ZNRF1: variants seen among roughly 807,000 people sequenced by gnomAD.
ZNRF1 encodes the protein zinc and ring finger 1.
ZNRF1 carries 3 observed loss-of-function variants against 18.4 expected under a neutral mutation model. That is an observed-to-expected ratio of 0.16 (90% CI 0.07 to 0.42). The LOEUF is 0.42. Among genes scored for constraint, ZNRF1 ranks in the 10% least tolerant of loss-of-function variants. The probability of loss-of-function intolerance (pLI) is 0.99; values close to 1 mark genes in which losing one functional copy is unlikely to be tolerated. For missense variants in ZNRF1, 310 were observed against 329.8 expected (o/e 0.94, Z 0.47); for synonymous variants, 157 against 144.2 (o/e 1.09, Z -0.64).
chr16:75,004,522 A>G (rs1340932565), intron 1 of ZNRF1, among the ~76,000 whole-genome samples: 2 of 152,230 alleles, frequency 1.3e-5, no homozygotes, highest in East Asian at 1.9e-4. Flanking sequence ...ATATGTGTAT[A>G]TATATGTATG....
At chr16:75,075,335 G>T (rs985040811) in intron 1 of ZNRF1, among the ~76,000 whole-genome samples, 3 of 152,266 alleles carry the variant, frequency 2.0e-5, no homozygotes, top group African/African-American at 7.2e-5. Context: ...CTGTGCACAT[G>T]CACACATGAT....
intron 1 of ZNRF1, among the ~76,000 whole-genome samples, chr16:75,093,227 A>G (rs146266137): frequency 9.7e-4 from 147 of 152,276 alleles, no homozygotes; most frequent in Non-Finnish European, 1.7e-3. Context: ...TCTACTAAAA[A>G]TACAAAAATT....
chr16:75,000,768 C>G (rs552457028), intron 1 of ZNRF1, among the ~76,000 whole-genome samples: 1 of 152,326 alleles, frequency 6.6e-6, no homozygotes, highest in South Asian at 2.1e-4. Context: ...GGCTCCGCGA[C>G]TCTCGCCTCC....
Position 75,110,523 on chromosome 16 carries a change from T to C in ZNRF1, c.*2823T>C, listed in dbSNP as rs1205534094. The C allele has an allele frequency of 6.6e-6, 1 of 152,252 alleles. No homozygotes were observed. The highest frequency in any genetic ancestry group is 1.9e-4 in the East Asian group (1 of 5,198). 9.4% of individuals were successfully genotyped at this position (152,252 alleles called of 1,614,324 possible). A position where few individuals can be genotyped will look rare whatever the true frequency, so the allele number is the denominator to read the frequency against. ...CTTAGGAGATAGATGCTGGATTATA[T>C]AGGTGAATGCCTTCAAGAAATGTGT... On this transcript the variant is annotated 3_prime_UTR_variant, in exon 5 of 5. Coordinates refer to ENST00000335325, the MANE Select transcript of ZNRF1 (RefSeq NM_032268.5).
chr16:75,091,981 G>A (rs577980829), intron 1 of ZNRF1, among the ~76,000 whole-genome samples: 3 of 152,122 alleles, frequency 2.0e-5, no homozygotes, highest in African/African-American at 7.2e-5. Flanking sequence ...TAAGGAGAGA[G>A]AAAATAAAAT....
chr16:75,023,305 T>C (rs1042703859), intron 1 of ZNRF1, among the ~76,000 whole-genome samples: 1 of 152,116 alleles, frequency 6.6e-6, no homozygotes, highest in Non-Finnish European at 1.5e-5. Flanking sequence ...TTCCCCTACC[T>C]TACCCCCCAC....
chr16:75,069,677 G>T (rs2035846727), intron 1 of ZNRF1, among the ~76,000 whole-genome samples: 1 of 152,198 alleles, frequency 6.6e-6, no homozygotes, highest in African/African-American at 2.4e-5. Context: ...CTCCCAAAGT[G>T]CTGGGATTAC....
In ZNRF1 at chr16:74,999,764, G is replaced by T. The variant is rs1234832708; in HGVS notation, c.93G>T (p.Ala31=). The change falls in exon 1 of 5, where the codon GCG becomes GCT. Residue 31 remains alanine, a synonymous_variant. Transcript: ENST00000335325. The part of the protein sequence containing the change: ...DDSAVPPPGG[A]PHFGHYRTGG... ...GCGCCGTGCCGCCGCCGGGAGGGGC[G>T]CCCCATTTCGGGCACTACCGGACGG... is the stretch of plus-strand genomic sequence containing the variant. 10 of 1,391,826 alleles carry T rather than the reference G, an allele frequency of 7.2e-6. No homozygotes were observed. In the East Asian group the frequency reaches 1.2e-4, roughly 16 times the overall value. 86.2% of individuals were successfully genotyped at this position (1,391,826 alleles called of 1,614,324 possible). A position where few individuals can be genotyped will look rare whatever the true frequency, so the allele number is the denominator to read the frequency against.
chr16:75,071,949 T>G (rs1290778256), intron 1 of ZNRF1, among the ~76,000 whole-genome samples: 7 of 152,024 alleles, frequency 4.6e-5, no homozygotes, highest in Non-Finnish European at 8.8e-5. Flanking sequence ...TGCTTATCTT[T>G]TATTTTTTAT....
At chr16:75,059,137 C>A (rs1018214268) in intron 1 of ZNRF1, among the ~76,000 whole-genome samples, 1 of 152,000 alleles carries the variant, frequency 6.6e-6, no homozygotes, top group African/African-American at 2.4e-5. Context: ...TTGCAGCTAC[C>A]CTTTGCCCTT....
At chr16:75,044,312 G>A (rs897368873) in intron 1 of ZNRF1, among the ~76,000 whole-genome samples, 1 of 152,010 alleles carries the variant, frequency 6.6e-6, no homozygotes, top group Non-Finnish European at 1.5e-5. Flanking sequence ...TCTGCCTCCT[G>A]GGTTCAAGTG....
rs569295647 is a variant in ZNRF1, at chr16:75,058,229, T to C, written c.425-35343T>C. 5.1e-4 allele frequency among the ~76,000 whole-genome samples: 78 copies of C among 152,180 alleles called. 1 individual carries two copies. In the South Asian group the frequency reaches 0.016, roughly 31 times the overall value. On this transcript the variant is annotated intron_variant, in intron 1 of 4. Coordinates refer to ENST00000335325, the MANE Select transcript of ZNRF1 (RefSeq NM_032268.5). The stretch of plus-strand genomic sequence containing the variant: ...CCCATGCAGTCCTCCCACCTCAGCC[T>C]GCCTGGGACTACAAGCATGTGCCAC...
chr16:75,104,796 C>G lies in ZNRF1; in HGVS notation c.533C>G (p.Thr178Ser), dbSNP rs777207487. Residue 178 changes from threonine (T) to serine (S), a missense_variant, in exon 3 of 5, where the codon ACT (threonine) becomes AGT (serine). Thr to Ser is a moderately conservative substitution (Grantham distance 58, BLOSUM62 1). Around this residue, in one of 2 missense-constraint regions of ZNRF1, gnomAD observed 293 missense variants for 291.2 expected, o/e 1.01. Coordinates refer to ENST00000335325, the MANE Select transcript of ZNRF1 (RefSeq NM_032268.5). ...PRLSYNDDVL[T>S]KDAGECVICL... ...GTCCCCCTTGCAGATGATGTGCTGA[C>G]TAAAGACGCGGGTGAGTGTGTGATC... 5 of 1,607,104 alleles carry G rather than the reference C, an allele frequency of 3.1e-6. No homozygotes were observed. Among genetic ancestry groups the G allele is most frequent in the African/African-American group, 2.7e-5 (2 of 74,862 alleles).
chr16:75,041,726 A>G (rs2035449190), intron 1 of ZNRF1, among the ~76,000 whole-genome samples: 1 of 151,894 alleles, frequency 6.6e-6, no homozygotes, highest in Non-Finnish European at 1.5e-5. Context: ...TGTCAATTCA[A>G]ATCTTTGCTT....
At chr16:75,044,553 TG>T (rs755107716) in intron 1 of ZNRF1, among the ~76,000 whole-genome samples, 5 of 151,400 alleles carry the variant, frequency 3.3e-5, no homozygotes, top group South Asian at 4.2e-4. Context: ...TAAATAGAGA[TG>T]GGGGTCTTGC....
At chr16:75,029,399 C>G (rs181873340) in intron 1 of ZNRF1, among the ~76,000 whole-genome samples, 16 of 152,198 alleles carry the variant, frequency 1.1e-4, no homozygotes, top group South Asian at 2.1e-4. Context: ...TCGCCTGCCT[C>G]GGCTTCCCAA....
chr16:75,098,273 G>A (rs972624037), intron 2 of ZNRF1, among the ~76,000 whole-genome samples: 4 of 152,244 alleles, frequency 2.6e-5, no homozygotes, highest in African/African-American at 9.6e-5. Context: ...ACACAAGTGG[G>A]GAAACCAGGA....
intron 1 of ZNRF1, among the ~76,000 whole-genome samples, chr16:75,069,178 A>C (rs1014500545): frequency 1.3e-5 from 2 of 151,472 alleles, no homozygotes; most frequent in African/African-American, 4.8e-5. Flanking sequence ...TCAGAAAAGA[A>C]AAAAAAAAGG....
intron 1 of ZNRF1, among the ~76,000 whole-genome samples, chr16:75,050,275 C>T (rs888564865): frequency 5.9e-5 from 9 of 152,074 alleles, no homozygotes; most frequent in Non-Finnish European, 8.8e-5. Context: ...CCTGTAATCC[C>T]GGCACTTGGT....
Sources: allele counts gnomAD v4.1 joint callset (sites outside exome capture counted in the v4.1 genomes callset), GRCh38; gene constraint gnomAD v4.1.1; regional missense constraint gnomAD v4.1.1; transcripts MANE v1.5; gene names NCBI Gene and HGNC (gene_info 2026-07-23, HGNC 2026-07-21).